Variants in PTPRD observed in about 807,000 individuals in gnomAD.
PTPRD encodes protein tyrosine phosphatase receptor type D.
Under a neutral mutation model 214.5 loss-of-function variants are expected in PTPRD, and 34 were observed. The observed-to-expected ratio is 0.16, with a 90% CI of 0.12 to 0.21. The LOEUF (loss-of-function observed/expected upper bound fraction) is 0.21. PTPRD is among the 10% of genes least tolerant of loss of function. The probability of loss-of-function intolerance (pLI) is 1.00; values close to 1 mark genes in which losing one functional copy is unlikely to be tolerated. For synonymous variants in PTPRD, 1,128 were observed against 845.7 expected (o/e 1.33, Z -5.79); for missense variants, 2,545 against 2,398.7 (o/e 1.06, Z -1.27).
chr9:8,461,213 G>A (rs2096390738), intron 32 of PTPRD, among the ~76,000 whole-genome samples: 1 of 152,022 alleles, frequency 6.6e-6, no homozygotes, highest in Non-Finnish European at 1.5e-5. Context: ...ACAGATGCGA[G>A]ATGTACAGAA....
At chr9:9,933,530 A>C (rs1290351041) in intron 5 of PTPRD, among the ~76,000 whole-genome samples, 1 of 151,806 alleles carries the variant, frequency 6.6e-6, no homozygotes, top group Non-Finnish European at 1.5e-5. Flanking sequence ...AGAGCTAACT[A>C]TCCTAAATAT....
At chr9:9,217,238 G>A (rs1368503878) in intron 9 of PTPRD, among the ~76,000 whole-genome samples, 1 of 152,094 alleles carries the variant, frequency 6.6e-6, no homozygotes, top group East Asian at 1.9e-4. Context: ...TCTGTAAAAT[G>A]TGGATGATAA....
intron 2 of PTPRD, among the ~76,000 whole-genome samples, chr9:10,598,567 T>C (rs2077133854): frequency 6.6e-6 from 1 of 151,814 alleles, no homozygotes; most frequent in Non-Finnish European, 1.5e-5. Flanking sequence ...GATTCTAATT[T>C]CACCTTTACT....
chr9:9,881,731 C>T (rs1216396245), intron 5 of PTPRD, among the ~76,000 whole-genome samples: 1 of 152,126 alleles, frequency 6.6e-6, no homozygotes, highest in East Asian at 1.9e-4. Flanking sequence ...ACTCTGTGAC[C>T]TTCCAGGGTT....
At chr9:9,306,473 A>G (rs2135213780) in intron 9 of PTPRD, among the ~76,000 whole-genome samples, 1 of 148,612 alleles carries the variant, frequency 6.7e-6, no homozygotes, top group Non-Finnish European at 1.5e-5. Flanking sequence ...CTTAGGCAGG[A>G]GAATCTCTTG....
intron 39 of PTPRD, among the ~76,000 whole-genome samples, chr9:8,352,887 C>T (rs1484061496): frequency 3.3e-5 from 5 of 151,990 alleles, no homozygotes; most frequent in African/African-American, 1.2e-4. Context: ...CTGAGGCGGA[C>T]GGATCACGAA....
intron 3 of PTPRD, among the ~76,000 whole-genome samples, chr9:10,080,898 A>C (rs1174840718): frequency 6.6e-6 from 1 of 152,140 alleles, no homozygotes; most frequent in Non-Finnish European, 1.5e-5. Flanking sequence ...ATATTGGAAC[A>C]AATACATCTG....
Position 8,436,672 on chromosome 9 carries a change from G to C in PTPRD, c.4006C>G (p.Pro1336Ala). 1.2e-6 allele frequency: 2 copies of C among 1,613,128 alleles called. No homozygotes were observed. Among genetic ancestry groups the C allele is most frequent in the South Asian group, 1.1e-5 (1 of 91,040 alleles). The change falls in exon 35 of 46, where the codon CCA becomes GCA. Residue 1336 changes from proline to alanine, a missense_variant. Physicochemically the swap from Pro to Ala is conservative, Grantham distance 27. Transcript: ENST00000381196. Reference sequence around the variant, plus strand: ...TCTGCAAGTTCCAAGATGGGTATTGGAGGATGGCTAGCCATACCTATTGAA... The same window carrying C: ...TCTGCAAGTTCCAAGATGGGTATTGCAGGATGGCTAGCCATACCTATTGAA... ...FQTPGMASHP[P>A]IPILELADHI...
chr9:10,487,877 T>G (rs2484741), intron 2 of PTPRD, among the ~76,000 whole-genome samples: 1 of 151,000 alleles, frequency 6.6e-6, no homozygotes, highest in Non-Finnish European at 1.5e-5. Flanking sequence ...GTACTACCTC[T>G]ATTATCTTGG....
intron 9 of PTPRD, among the ~76,000 whole-genome samples, chr9:9,211,081 G>C (rs1347704116): frequency 8.8e-6 from 1 of 113,000 alleles, no homozygotes; most frequent in Non-Finnish European, 2.1e-5. Context: ...ATGTGTGTGA[G>C]TGTGTGTGTG....
intron 11 of PTPRD, among the ~76,000 whole-genome samples, chr9:8,738,956 G>A (rs964648873): frequency 1.3e-5 from 2 of 152,182 alleles, no homozygotes; most frequent in African/African-American, 4.8e-5. Flanking sequence ...TTGGGGGATG[G>A]TATGGGAAGG....
At chr9:9,438,003 T>C (rs2086012715) in intron 8 of PTPRD, among the ~76,000 whole-genome samples, 1 of 152,080 alleles carries the variant, frequency 6.6e-6, no homozygotes, top group African/African-American at 2.4e-5. Flanking sequence ...GAAGAGAGGG[T>C]CTGTTCTAGG....
In PTPRD at chr9:9,113,856, C is replaced by A. The variant is rs556293951; in HGVS notation, c.-143+69448G>T. Among the ~76,000 whole-genome samples, 170 of 152,240 alleles carry A rather than the reference C, an allele frequency of 1.1e-3. 1 individual carries two copies. Among genetic ancestry groups the A allele is most frequent in the African/African-American group, 4.0e-3 (166 of 41,558 alleles). On this transcript the variant is annotated intron_variant, in intron 10 of 45. Coordinates refer to ENST00000381196, the MANE Select transcript of PTPRD (RefSeq NM_002839.4). The stretch of plus-strand genomic sequence containing the variant: ...AATGAAAGAAAATAAAAACTCAGTT[C>A]TCTTTATAGATAGCAATATGCTATA...
At chr9:8,968,742 C>A (rs1215147158) in intron 11 of PTPRD, among the ~76,000 whole-genome samples, 8 of 151,936 alleles carry the variant, frequency 5.3e-5, no homozygotes, top group African/African-American at 1.9e-4. Flanking sequence ...GTCTTAATTA[C>A]TATACTGTCA....
rs895525091 is a variant in PTPRD, at chr9:8,528,716, C to T, written c.416G>A (p.Arg139His). Residue 139 changes from arginine (R) to histidine (H), a missense_variant, in exon 15 of 46, where the codon CGT becomes CAT. Arg to His is a conservative substitution (Grantham distance 29). Coordinates refer to ENST00000381196, the MANE Select transcript of PTPRD (RefSeq NM_002839.4). ...ACAAAGCATGGTGGCCGTGCGAGTACGCTCAACCACCTTCAACTGTGGGCC... is the reference window on the plus strand; with the variant it reads ...ACAAAGCATGGTGGCCGTGCGAGTATGCTCAACCACCTTCAACTGTGGGCC... ...DMGPQLKVVERTRTATMLCAA... is the reference protein window; with the variant it reads ...DMGPQLKVVEHTRTATMLCAA... 9.3e-6 allele frequency: 15 copies of T among 1,613,578 alleles called. No individual in the cohort carries two copies. The highest frequency in any genetic ancestry group is 2.2e-5 in the East Asian group (1 of 44,842).
intron 14 of PTPRD, among the ~76,000 whole-genome samples, chr9:8,622,480 C>T (rs2095853395): frequency 6.6e-6 from 1 of 151,936 alleles, no homozygotes; most frequent in South Asian, 2.1e-4. Context: ...GAGCACTTTT[C>T]TTCTAAAAAT....
At chr9:8,686,618 T>A (rs1412116032) in intron 12 of PTPRD, among the ~76,000 whole-genome samples, 2 of 152,176 alleles carry the variant, frequency 1.3e-5, no homozygotes, top group Non-Finnish European at 2.9e-5. Context: ...CATGTTCACA[T>A]AGTTGCAACT....
At chr9:10,287,254 G>C (rs970648857) in intron 3 of PTPRD, among the ~76,000 whole-genome samples, 7 of 152,142 alleles carry the variant, frequency 4.6e-5, no homozygotes, top group African/African-American at 1.4e-4. Flanking sequence ...GATACTTTTA[G>C]ATAAAGATTT....
At chr9:8,984,158 G>T (rs891615422) in intron 11 of PTPRD, among the ~76,000 whole-genome samples, 4 of 151,818 alleles carry the variant, frequency 2.6e-5, no homozygotes, top group African/African-American at 9.7e-5. Flanking sequence ...ACAATACAAA[G>T]ACATGTAATT....
Sources: gnomAD v4.1 joint callset for allele counts (sites outside exome capture counted in the v4.1 genomes callset) on GRCh38, gnomAD v4.1.1 for gene constraint, MANE v1.5 for transcripts, NCBI Gene and HGNC (gene_info 2026-07-23, HGNC 2026-07-21) for gene names.